Variants in XPO1 observed in about 807,000 individuals in gnomAD.
The protein encoded by XPO1 is exportin-1.
In XPO1, 5 loss-of-function variants were observed where a neutral mutation model predicts 133.3. That is an observed-to-expected ratio of 0.04 (90% confidence interval 0.02 to 0.08). The LOEUF is 0.08. XPO1 is among the 10% of genes least tolerant of loss of function. The pLI is 1.00. For synonymous variants in XPO1, 419 were observed against 408.2 expected, an observed-to-expected ratio of 1.03 and a Z score of -0.32; for missense variants, 506 against 1,267.5, an observed-to-expected ratio of 0.40 and a Z score of 9.12.
chr2:61,491,904 A>G, intron 16 of XPO1, 131 bp downstream of exon 16: 2 of 1,201,100 alleles, frequency 1.7e-6, no homozygotes, highest in East Asian at 2.5e-5. Context: ...TGTCTCAAGG[A>G]AAAAAGAAAG....
At position 61,478,511 on chromosome 2, in the gene XPO1, C is replaced by A. The variant is rs544433659; in HGVS notation, c.*309G>T. ...ATTGTATAATTTTGCATTAGAATTA[C>A]AAGTATATGTTCAAATCGAATTTGC... On this transcript the variant is annotated 3_prime_UTR_variant, in exon 25 of 25. Transcript: ENST00000401558. 6.8e-6 allele frequency: 2 copies of A among 296,060 alleles called. No homozygotes were observed. The highest frequency in any genetic ancestry group is 2.1e-5 in the African/African-American group (1 of 46,730). 18.3% of individuals were successfully genotyped at this position (296,060 alleles called of 1,614,324 possible).
At chr2:61,514,070 C>A (rs1446762742) in intron 4 of XPO1, among the ~76,000 whole-genome samples, 1 of 151,848 alleles carries the variant, frequency 6.6e-6, no homozygotes, top group Non-Finnish European at 1.5e-5. Context: ...ACCTGTAATC[C>A]CAGCTACTCA....
At chr2:61,525,583 T>C in intron 3 of XPO1, 3 of 1,016,612 alleles carry the variant, frequency 3.0e-6, no homozygotes, top group Non-Finnish European at 3.5e-6. Flanking sequence ...AACTTAAACA[T>C]TAGTAATGTC....
At chr2:61,512,898 G>A (rs1050752403) in intron 4 of XPO1, among the ~76,000 whole-genome samples, 6 of 152,190 alleles carry the variant, frequency 3.9e-5, no homozygotes, top group East Asian at 3.9e-4. Context: ...AAAATTAGCC[G>A]GGTGTGGTGG....
intron 3 of XPO1, among the ~76,000 whole-genome samples, chr2:61,524,349 CT>C (rs927463198): frequency 6.6e-6 from 1 of 152,112 alleles, no homozygotes; most frequent in Non-Finnish European, 1.5e-5. Flanking sequence ...ACTGTCCTTT[CT>C]TTTTTATTTA....
rs558485741 is a variant in XPO1 at position 61,491,282 on chromosome 2, G to A, written c.1888-506C>T. Among the ~76,000 whole-genome samples, 11 of 151,938 alleles carry A rather than the reference G, an allele frequency of 7.2e-5. No homozygotes were observed. The South Asian group carries it at 2.1e-3, about 29-fold the overall frequency. On this transcript the variant is annotated intron_variant, in intron 16 of 24. Coordinates refer to ENST00000401558, the MANE Select transcript of XPO1 (RefSeq NM_003400.4). The stretch of plus-strand genomic sequence containing the variant: ...TGGAGATGAGCCTGACCAACATGGA[G>A]AAACCCCGTCTCTACTAAAAATAAA...
At position 61,526,152 on chromosome 2, in the gene XPO1, G is replaced by C. The variant is rs571795749; in HGVS notation, c.228+268C>G. The C allele has an allele frequency of 9.8e-6, 12 of 1,230,256 alleles. 1 individual carries two copies. The South Asian group carries it at 2.1e-4, about 22-fold the overall frequency. 76.2% of individuals were successfully genotyped at this position (1,230,256 alleles called of 1,614,324 possible). A position where few individuals can be genotyped will look rare whatever the true frequency, so the allele number is the denominator to read the frequency against. ...TAACATTCAGAATTTATGCTACTTA[G>C]ACCTGTATACATATACTAAAAAGAA... On this transcript the variant is annotated intron_variant, in intron 3 of 24. Transcript: ENST00000401558.
At chr2:61,500,691 G>C (rs1377629593) in intron 6 of XPO1, among the ~76,000 whole-genome samples, 2 of 151,822 alleles carry the variant, frequency 1.3e-5, no homozygotes, top group Middle Eastern at 3.2e-3. Context: ...CTCAGCTACT[G>C]GGGAGGCCAA....
At position 61,483,043 on chromosome 2, in the gene XPO1, GCTT is replaced by G. The variant is rs1164883486; in HGVS notation, c.2723_2725del (p.Glu908del). ...AGTTTGATAAAAACTCTGAGCTGCA[GCTT>G]CTTCTTGTGCAACATTTTGTAAGAG... On this transcript the variant is annotated inframe_deletion, in exon 22 of 25. Transcript: ENST00000401558. The G allele has an allele frequency of 1.2e-6, 2 of 1,613,676 alleles. No individual in the cohort carries two copies. Among genetic ancestry groups the G allele is most frequent in the Admixed American group, 1.7e-5 (1 of 59,938 alleles).
chr2:61,521,376 A>T (rs1221272880), intron 4 of XPO1, among the ~76,000 whole-genome samples: 1 of 152,240 alleles, frequency 6.6e-6, no homozygotes. Context: ...GACATATTTT[A>T]AATGAAAATA....
At chr2:61,528,728 TTTATTTATATATATATATATA>T (rs1558679500) in intron 2 of XPO1, among the ~76,000 whole-genome samples, 4 of 99,060 alleles carry the variant, frequency 4.0e-5, no homozygotes, top group African/African-American at 1.5e-4. Flanking sequence ...ATGTCGACAT[TTTATTTATATATATATATATA>T]TATATATATA....
intron 9 of XPO1, among the ~76,000 whole-genome samples, chr2:61,498,149 T>G (rs1290882202): frequency 1.3e-5 from 2 of 152,164 alleles, no homozygotes; most frequent in Non-Finnish European, 1.5e-5. Flanking sequence ...CAGGCTGGAG[T>G]GCAGTGGCAC....
intron 4 of XPO1, among the ~76,000 whole-genome samples, chr2:61,508,065 C>T (rs957931293): frequency 6.6e-6 from 1 of 151,792 alleles, no homozygotes; most frequent in African/African-American, 2.4e-5. Context: ...AAATTCACAT[C>T]CAAAGTTGGT....
chr2:61,489,553 A>G (rs886982559), intron 17 of XPO1, among the ~76,000 whole-genome samples: 5 of 151,670 alleles, frequency 3.3e-5, no homozygotes, highest in African/African-American at 1.2e-4. Flanking sequence ...GAAGTAATAT[A>G]GTTCTATTTT....
chr2:61,509,750 C>T (rs938846411), intron 4 of XPO1, among the ~76,000 whole-genome samples: 5 of 152,164 alleles, frequency 3.3e-5, no homozygotes, highest in African/African-American at 1.2e-4. Context: ...ACTTCTCATC[C>T]CAAGCATTTC....
intron 24 of XPO1, among the ~76,000 whole-genome samples, chr2:61,479,572 CCTA>C (rs1259014209): frequency 3.9e-5 from 6 of 152,168 alleles, no homozygotes; most frequent in Admixed American, 1.3e-4. Flanking sequence ...AGTATATACA[CCTA>C]CTATGTATTC....
intron 4 of XPO1, among the ~76,000 whole-genome samples, chr2:61,509,151 G>A (rs955246154): frequency 5.3e-5 from 8 of 150,524 alleles, no homozygotes; most frequent in Non-Finnish European, 5.9e-5. Flanking sequence ...ACAGGTGCCC[G>A]TCACCACGCC....
intron 10 of XPO1, among the ~76,000 whole-genome samples, chr2:61,495,962 C>G (rs1573138453): frequency 6.6e-6 from 1 of 152,146 alleles, no homozygotes; most frequent in East Asian, 1.9e-4. Context: ...AGCTATTGCA[C>G]TCAGCCAACA....
At chr2:61,510,643 A>G (rs1698043970) in intron 4 of XPO1, among the ~76,000 whole-genome samples, 1 of 152,198 alleles carries the variant, frequency 6.6e-6, no homozygotes, top group African/African-American at 2.4e-5. Flanking sequence ...ATGATAGCCA[A>G]AAGGTGAAAG....
Sources: allele counts gnomAD v4.1 joint callset (sites outside exome capture counted in the v4.1 genomes callset), GRCh38; gene constraint gnomAD v4.1.1; transcripts MANE v1.5; gene names NCBI Gene and HGNC (gene_info 2026-07-23, HGNC 2026-07-21).